COLEC12: variants seen among roughly 807,000 people sequenced by gnomAD.
COLEC12 encodes the protein collectin-12.
COLEC12 carries 33 observed loss-of-function variants against 71.1 expected under a neutral mutation model. The observed-to-expected ratio is 0.46, with a 90% CI of 0.35 to 0.62. The LOEUF is 0.62. Ranked by LOEUF, COLEC12 falls within the 20% of genes least tolerant of loss-of-function variation. COLEC12 has a pLI of 0.00. For synonymous variants in COLEC12, 350 were observed against 353.0 expected, an observed-to-expected ratio of 0.99 and a Z score of 0.10; for missense variants, 765 against 916.1, an observed-to-expected ratio of 0.84 and a Z score of 2.13.
rs71174234 is a variant in COLEC12 at position 470,220 on chromosome 18, ATTTTTTT to A, written c.58+10480_58+10486del. On this transcript the variant is annotated intron_variant, in intron 2 of 9. Coordinates refer to ENST00000400256, the MANE Select transcript of COLEC12 (RefSeq NM_130386.3). ...TAGGTGGATCACTTGAGGCCAGGAA[ATTTTTTT>A]TTTTTTTTTTTTTTTTTTTTTTGAG... 2.5e-4 allele frequency among the ~76,000 whole-genome samples: 23 copies of A among 92,354 alleles called. 1 individual carries two copies. Among genetic ancestry groups the A allele is most frequent in the Non-Finnish European group, 3.4e-4 (17 of 49,802 alleles). The allele number at this position is 92,354 out of a possible 152,430, so 60.6% of individuals were successfully genotyped here.
chr18:480,840 C>A lies in COLEC12; in HGVS notation c.8-83G>T. On this transcript the variant is annotated intron_variant, in intron 1 of 9. Coordinates refer to ENST00000400256, the MANE Select transcript of COLEC12 (RefSeq NM_130386.3). The surrounding 1 kb of genome is among the most constrained non-coding windows in gnomAD (Gnocchi z 4.1). ...TGGGGCAGGATGCGACCTGCTTCAT[C>A]GCCCCTGCTTGTCACAGCAGCTTTC... 8.6e-7 allele frequency: 1 copy of A among 1,160,646 alleles called. No individual in the cohort carries two copies. The highest frequency in any genetic ancestry group is 1.3e-6 in the Non-Finnish European group (1 of 766,644). 71.9% of individuals were successfully genotyped at this position (1,160,646 alleles called of 1,614,324 possible).
intron 2 of COLEC12, among the ~76,000 whole-genome samples, chr18:418,401 T>C (rs954850739): frequency 3.9e-5 from 6 of 152,104 alleles, no homozygotes; most frequent in African/African-American, 1.4e-4. Flanking sequence ...AAACTATCAG[T>C]GAAAGTACAA....
At chr18:374,869 C>T (rs551360638) in intron 2 of COLEC12, among the ~76,000 whole-genome samples, 19 of 152,266 alleles carry the variant, frequency 1.2e-4, no homozygotes, top group African/African-American at 4.1e-4. Flanking sequence ...ATCATCAAGA[C>T]GATCCAGTGC....
chr18:323,484 G>T (rs1267617865), intron 8 of COLEC12, among the ~76,000 whole-genome samples: 1 of 152,220 alleles, frequency 6.6e-6, no homozygotes, highest in Admixed American at 6.5e-5. Flanking sequence ...TTACATAACA[G>T]ATGAGTCACA....
chr18:328,044 C>T (rs1265779237), intron 8 of COLEC12, among the ~76,000 whole-genome samples: 2 of 151,980 alleles, frequency 1.3e-5, no homozygotes, highest in Non-Finnish European at 2.9e-5. Context: ...TGCTCTATTG[C>T]TCAGGCTGGT....
chr18:419,261 A>G (rs958486024), intron 2 of COLEC12, among the ~76,000 whole-genome samples: 2 of 151,684 alleles, frequency 1.3e-5, no homozygotes, highest in Non-Finnish European at 2.9e-5. Flanking sequence ...ACTGTTGTGC[A>G]TTGGCACAAT....
rs61287049 is a variant in COLEC12 at position 379,599 on chromosome 18, T to C, written c.59-22077A>G. 7.7e-3 allele frequency among the ~76,000 whole-genome samples: 1,166 copies of C among 152,224 alleles called. 14 individuals are homozygous for C. Among genetic ancestry groups the C allele is most frequent in the African/African-American group, 0.026 (1,065 of 41,548 alleles). Reference sequence around the variant, plus strand: ...CTAACTTCAGTGTGATCACAATTTATTCCAGTCAAAGCCCAAAATATAAAA... The same window carrying C: ...CTAACTTCAGTGTGATCACAATTTACTCCAGTCAAAGCCCAAAATATAAAA... On this transcript the variant is annotated intron_variant, in intron 2 of 9. Coordinates refer to ENST00000400256, the MANE Select transcript of COLEC12 (RefSeq NM_130386.3).
chr18:325,627 C>CTTTTTTTT (rs760407917), intron 8 of COLEC12, among the ~76,000 whole-genome samples: 567 of 51,832 alleles, frequency 0.011, 98 homozygotes, highest in African/African-American at 0.032. Flanking sequence ...AAGGATCAGC[C>CTTTTTTTT]TTTTTTTTTT....
Position 335,126 on chromosome 18 carries a change from G to A in COLEC12, c.1432C>T (p.Pro478Ser), listed in dbSNP as rs201838623. The A allele has an allele frequency of 9.3e-6, 15 of 1,612,974 alleles. No individual in the cohort carries two copies. In the East Asian group the frequency reaches 2.2e-4, roughly 24 times the overall value. ...GGGCCTCTCTCACCCGCAGGGCCAG[G>A]TGGTCCAGGCTCCCCCTTCTCTCCT... is the stretch of plus-strand genomic sequence containing the variant. ...QKGEKGEPGPPGPAGERGPIG... is the reference protein window; with the variant it reads ...QKGEKGEPGPSGPAGERGPIG... Residue 478 changes from proline (P) to serine (S), a missense_variant, in exon 6 of 10, where the codon CCT becomes TCT. Physicochemically the swap from Pro to Ser is moderately conservative, Grantham distance 74. Transcript: ENST00000400256.
chr18:459,030 TG>T, intron 2 of COLEC12, among the ~76,000 whole-genome samples: 1 of 152,248 alleles, frequency 6.6e-6, no homozygotes, highest in East Asian at 1.9e-4. Flanking sequence ...AGATGGGGAC[TG>T]GGGGCTGGGA....
intron 2 of COLEC12, among the ~76,000 whole-genome samples, chr18:437,341 A>G (rs1023289759): frequency 3.9e-5 from 6 of 152,216 alleles, no homozygotes; most frequent in Admixed American, 3.9e-4. Flanking sequence ...GACCCAAGTT[A>G]AATTAGCTTC....
Position 319,335 on chromosome 18 carries a change from A to ATATAT in COLEC12, c.*709_*710insATATA, listed in dbSNP as rs1354755711. The ATATAT allele has an allele frequency of 1.2e-3, 49 of 42,028 alleles. No homozygotes were observed. The highest frequency in any genetic ancestry group is 3.7e-3 in the East Asian group (7 of 1,900). 2.6% of individuals were successfully genotyped at this position (42,028 alleles called of 1,614,324 possible). ...AAATGAAACATTAAAAAAAAAAAAAAAAAAAAATATATATATATATATATA... is the reference window on the plus strand; with the variant it reads ...AAATGAAACATTAAAAAAAAAAAAAATATATAAAAAAATATATATATATATATATA... On this transcript the variant is annotated 3_prime_UTR_variant, in exon 10 of 10. Transcript: ENST00000400256.
intron 5 of COLEC12, among the ~76,000 whole-genome samples, chr18:340,992 C>T (rs670075): frequency 0.66 from 100,386 of 152,112 alleles, 33,867 homozygotes; most frequent in East Asian, 0.97. Context: ...CCAGTCATGC[C>T]GTCTTGTTTG....
chr18:472,701 A>AAAAAAAAAAAG (rs1555622344), intron 2 of COLEC12, among the ~76,000 whole-genome samples: 1 of 144,184 alleles, frequency 6.9e-6, no homozygotes. Context: ...AAAAAAAAAA[A>AAAAAAAAAAAG]AAGAAGAAGA....
chr18:361,931 A>G (rs2143511292), intron 2 of COLEC12, among the ~76,000 whole-genome samples: 1 of 152,322 alleles, frequency 6.6e-6, no homozygotes, highest in East Asian at 1.9e-4. Context: ...AGAGAGCCTC[A>G]GAAGATTTGG....
intron 2 of COLEC12, among the ~76,000 whole-genome samples, chr18:428,460 T>C (rs548816875): frequency 3.3e-5 from 5 of 152,300 alleles, no homozygotes; most frequent in Non-Finnish European, 5.9e-5. Flanking sequence ...TAAGTGATTA[T>C]TTCAAGTAAC....
chr18:366,636 C>T (rs1012063350), intron 2 of COLEC12, among the ~76,000 whole-genome samples: 7 of 152,182 alleles, frequency 4.6e-5, no homozygotes, highest in Non-Finnish European at 2.9e-5. Flanking sequence ...CGCTAGTACT[C>T]GGCACATCCT....
intron 5 of COLEC12, among the ~76,000 whole-genome samples, chr18:339,458 G>C (rs1385725774): frequency 6.6e-6 from 1 of 152,216 alleles, no homozygotes; most frequent in Non-Finnish European, 1.5e-5. Context: ...TGTGAAGGAA[G>C]GGAGTAAATA....
At chr18:324,050 C>A (rs772404287) in intron 8 of COLEC12, among the ~76,000 whole-genome samples, 3 of 151,898 alleles carry the variant, frequency 2.0e-5, no homozygotes, top group Admixed American at 1.3e-4. Flanking sequence ...TGGCCATAAG[C>A]GGAGGTGACT....
Sources: allele counts gnomAD v4.1 joint callset (sites outside exome capture counted in the v4.1 genomes callset), GRCh38; gene constraint gnomAD v4.1.1; non-coding constraint Gnocchi (gnomAD v3.1); transcripts MANE v1.5; gene names NCBI Gene and HGNC (gene_info 2026-07-23, HGNC 2026-07-21).